Variants in CTSZ observed in about 807,000 individuals in gnomAD.
CTSZ encodes carboxypeptidase LB.
A neutral mutation model predicts 32.4 loss-of-function variants in CTSZ; 39 were observed. That is an observed-to-expected ratio of 1.20 (90% CI 0.93 to 1.57). The LOEUF (loss-of-function observed/expected upper bound fraction) is 1.57, where lower values mean the gene tolerates loss of function less well. CTSZ is among the 40% of genes most tolerant of loss of function. The pLI is 0.00. For missense variants in CTSZ, 397 were observed against 419.6 expected (o/e 0.95, Z 0.47); for synonymous variants, 168 against 170.1 (o/e 0.99, Z 0.10).
At chr20:58,999,507 C>T (rs1221792228) in intron 3 of CTSZ, among the ~76,000 whole-genome samples, 5 of 94,032 alleles carry the variant, frequency 5.3e-5, no homozygotes, top group Admixed American at 1.0e-4. Flanking sequence ...CTTCCCTCTG[C>T]ACCTTCCATC....
intron 3 of CTSZ, among the ~76,000 whole-genome samples, chr20:58,999,974 C>G (rs918561295): frequency 2.0e-5 from 3 of 152,086 alleles, no homozygotes; most frequent in Non-Finnish European, 4.4e-5. Context: ...GAGGCTGAGG[C>G]AGGAGAGTGG....
chr20:58,997,505 T>TCATG (rs2146360975), intron 4 of CTSZ, 98 bp downstream of exon 4: 1 of 1,246,004 alleles, frequency 8.0e-7, no homozygotes, highest in South Asian at 1.9e-5. Context: ...ACACTGGCGC[T>TCATG]GTCACCGCGG....
rs750885462 is a variant in CTSZ at position 58,997,753 on chromosome 20, T to A, written c.488A>T (p.Glu163Val). Residue 163 changes from glutamate to valine, a missense_variant and splice_region_variant, in exon 4 of 6, where the codon GAG becomes GTG. By Grantham distance (121) the Glu-to-Val change is moderately radical. Coordinates refer to ENST00000217131, the MANE Select transcript of CTSZ (RefSeq NM_001336.4). ...CCCACATTGGTTAAACTTGTCACAC[T>A]CTGGGGGAGAGCAAGAAAAGTCAGC... ...TCNNYQAKDQECDKFNQCGTC... is the reference protein window; with the variant it reads ...TCNNYQAKDQVCDKFNQCGTC... The A allele has an allele frequency of 1.9e-5, 30 of 1,593,700 alleles. No homozygotes were observed. The highest frequency in any genetic ancestry group is 7.1e-5 in the Admixed American group (4 of 56,704).
At chr20:58,995,834 C>G in intron 5 of CTSZ, 75 bp from the exon 6 acceptor site, 1 of 1,337,990 alleles carries the variant, frequency 7.5e-7, no homozygotes, top group South Asian at 1.2e-5. Context: ...AGCCCCCTGC[C>G]CCCTGCTTTC....
rs200864972 is a variant in CTSZ at position 59,001,616 on chromosome 20, C to T, written c.336G>A (p.Ala112=). 126 of 1,613,948 alleles carry T rather than the reference C, an allele frequency of 7.8e-5. No homozygotes were observed. The highest frequency in any genetic ancestry group is 7.7e-5 in the South Asian group (7 of 91,092). ...ADRINIKRKG[A]WPSTLLSVQN... is the part of the protein sequence containing the mutation. ...GCACGGACAGGAGGGTGGAGGGCCA[C>T]GCTCCCTTCCTCTTGATGTTGATCC... The change falls in exon 3 of 6, where the codon GCG becomes GCA. Residue 112 remains alanine (A), a synonymous_variant. Transcript: ENST00000217131.
chr20:59,003,002 C>T (rs1479674059), intron 2 of CTSZ, among the ~76,000 whole-genome samples: 1 of 152,194 alleles, frequency 6.6e-6, no homozygotes, highest in Non-Finnish European at 1.5e-5. Flanking sequence ...TGAGACAGTG[C>T]CCCGACCCCT....
Position 59,002,561 on chromosome 20 carries a change from TC to T in CTSZ, c.308-918del, listed in dbSNP as rs2091893962. Among the ~76,000 whole-genome samples, 1 of 151,822 alleles carries T rather than the reference TC, an allele frequency of 6.6e-6. No homozygotes were observed. Among genetic ancestry groups the T allele is most frequent in the Admixed American group, 6.6e-5 (1 of 15,254 alleles). ...CCTCTGGACCTGCACATCCCCTCCA[TC>T]TCTTGTCACCTTCCAGACTCTCCCA... is the stretch of plus-strand genomic sequence containing the variant. On this transcript the variant is annotated intron_variant, in intron 2 of 5. Coordinates refer to ENST00000217131, the MANE Select transcript of CTSZ (RefSeq NM_001336.4). The surrounding 1 kb of genome is among the most constrained non-coding windows in gnomAD (Gnocchi z 4.1).
In CTSZ at chr20:59,007,047, G is replaced by C; in HGVS notation, c.82C>G (p.Arg28Gly). 1.4e-6 allele frequency: 2 copies of C among 1,470,606 alleles called. No homozygotes were observed. The highest frequency in any genetic ancestry group is 1.8e-6 in the Non-Finnish European group (2 of 1,117,794). The allele number at this position is 1,470,606 out of a possible 1,614,324, so 91.1% of individuals were successfully genotyped here. Residue 28 changes from arginine (R) to glycine (G), a missense_variant, in exon 1 of 6, where the codon CGC (arginine) becomes GGC (glycine). Coordinates refer to ENST00000217131, the MANE Select transcript of CTSZ (RefSeq NM_001336.4). ...AGAAQGGLYF[R>G]RGQTCYRPLR... The stretch of plus-strand genomic sequence containing the variant: ...GGCCGGTAGCAGGTCTGTCCCCGGC[G>C]GAAGTAGAGGCCGCCCTGCGCCGCG...
chr20:58,997,356 A>C, intron 4 of CTSZ: 37 of 322,806 alleles, frequency 1.1e-4, no homozygotes, highest in East Asian at 2.3e-4. Flanking sequence ...CAGACTTGCT[A>C]TCAGCTGAGT....
At chr20:58,996,462 A>G in intron 5 of CTSZ, 177 bp downstream of exon 5, 1 of 661,298 alleles carries the variant, frequency 1.5e-6, no homozygotes, top group Non-Finnish European at 2.6e-6. Context: ...GCAGCCGCGC[A>G]TGTCAGAGAA....
At chr20:58,997,552 G>T (rs771313267) in intron 4 of CTSZ, 51 bp downstream of exon 4, 2 of 1,484,786 alleles carry the variant, frequency 1.3e-6, no homozygotes. Flanking sequence ...CTCACCCGCG[G>T]GACCTTTCCT....
At chr20:58,995,796 G>A (rs931080980) in intron 5 of CTSZ, 37 bp from the exon 6 acceptor site, 23 of 1,577,646 alleles carry the variant, frequency 1.5e-5, no homozygotes, top group Non-Finnish European at 2.0e-5. Context: ...CCCATCTGCA[G>A]CCGTCTCCCG....
intron 3 of CTSZ, among the ~76,000 whole-genome samples, chr20:58,999,976 G>A (rs1019968101): frequency 2.0e-5 from 3 of 152,230 alleles, no homozygotes; most frequent in Non-Finnish European, 4.4e-5. Context: ...GGCTGAGGCA[G>A]GAGAGTGGCG....
chr20:59,006,179 C>T (rs746695751), intron 2 of CTSZ, 143 bp downstream of exon 2: 118 of 1,109,868 alleles, frequency 1.1e-4, no homozygotes, highest in Non-Finnish European at 1.0e-4. Flanking sequence ...CAAAGGCCCG[C>T]GCTCCTCGGC....
At chr20:59,005,455 C>G (rs532864151) in intron 2 of CTSZ, among the ~76,000 whole-genome samples, 2 of 152,358 alleles carry the variant, frequency 1.3e-5, no homozygotes, top group African/African-American at 4.8e-5. Context: ...GAGGAGGCGT[C>G]AGTGAGATGG....
At chr20:58,997,300 C>G (rs1341627840) in intron 4 of CTSZ, 3 of 275,352 alleles carry the variant, frequency 1.1e-5, no homozygotes, top group East Asian at 7.2e-5. Flanking sequence ...CCCCTCGGTA[C>G]AGCTTGGAGC....
rs1473008252 is a variant in CTSZ at position 58,995,579 on chromosome 20, T to C, written c.*70A>G. The C allele has an allele frequency of 8.3e-6, 12 of 1,437,612 alleles. No individual in the cohort carries two copies. The highest frequency in any genetic ancestry group is 2.8e-5 in the African/African-American group (2 of 71,510). 89.1% of individuals were successfully genotyped at this position (1,437,612 alleles called of 1,614,324 possible). On this transcript the variant is annotated 3_prime_UTR_variant, in exon 6 of 6. Transcript: ENST00000217131. ...TTCCTGCCAGCCAGCCTGGCACACA[T>C]AACCATAGGATCCCCTCTGGTCATG...
intron 3 of CTSZ, among the ~76,000 whole-genome samples, chr20:58,998,648 A>G (rs1422371077): frequency 2.0e-5 from 3 of 152,246 alleles, no homozygotes; most frequent in Admixed American, 6.5e-5. Flanking sequence ...GCTTGATACC[A>G]GGAGTCTGAG....
chr20:58,997,161 CAAAAA>C (rs10582096), intron 4 of CTSZ, among the ~76,000 whole-genome samples: 12 of 105,394 alleles, frequency 1.1e-4, no homozygotes, highest in East Asian at 5.6e-4. Context: ...GACTGTGTTT[CAAAAA>C]AAAAAAAAAA....
Sources: gnomAD v4.1 joint callset for allele counts (sites outside exome capture counted in the v4.1 genomes callset) on GRCh38, gnomAD v4.1.1 for gene constraint, Gnocchi (gnomAD v3.1) non-coding constraint, MANE v1.5 for transcripts, NCBI Gene and HGNC (gene_info 2026-07-23, HGNC 2026-07-21) for gene names.